Variants in USP53 observed in about 807,000 individuals in gnomAD.
USP53 encodes the protein ubiquitin carboxyl-terminal hydrolase 53.
USP53 carries 71 observed loss-of-function variants against 94.9 expected under a neutral mutation model. The ratio of observed to expected loss-of-function variants is 0.75; its 90% CI spans 0.62 to 0.91. The LOEUF (loss-of-function observed/expected upper bound fraction) is 0.91. Ranked by LOEUF, USP53 falls within the 40% of genes least tolerant of loss-of-function variation. The pLI, the probability that USP53 is intolerant of heterozygous loss-of-function variation, is 0.00. For synonymous variants in USP53, 375 were observed against 422.7 expected (o/e 0.89, Z 1.39); for missense variants, 1,173 against 1,281.0 (o/e 0.92, Z 1.29).
chr4:119,248,655 T>C lies in USP53; in HGVS notation c.238-93T>C, dbSNP rs141546992. On this transcript the variant is annotated intron_variant, in intron 6 of 18. Transcript: ENST00000692078. ...AAAGACTTCTGTATTATTTTCCAAG[T>C]ATAGTGTTTTGAGTTTCTCTGTGTT... is the stretch of plus-strand genomic sequence containing the variant. 5.5e-4 allele frequency: 785 copies of C among 1,436,484 alleles called. 3 individuals carry two copies. In the African/African-American group the frequency reaches 0.01, roughly 18 times the overall value. 89.0% of individuals were successfully genotyped at this position (1,436,484 alleles called of 1,614,324 possible).
intron 17 of USP53, among the ~76,000 whole-genome samples, chr4:119,290,827 G>T (rs191295956): frequency 6.6e-6 from 1 of 152,106 alleles, no homozygotes; most frequent in Middle Eastern, 3.4e-3. Context: ...CAAATGCAGG[G>T]TTTTTTTCAC....
At chr4:119,277,939 T>C (rs1752876225) in intron 17 of USP53, among the ~76,000 whole-genome samples, 1 of 133,300 alleles carries the variant, frequency 7.5e-6, no homozygotes, top group Non-Finnish European at 1.6e-5. Flanking sequence ...CTTTTTTTGT[T>C]TTCCATTGGC....
intron 9 of USP53, among the ~76,000 whole-genome samples, chr4:119,257,317 T>C (rs1034846236): frequency 6.6e-6 from 1 of 152,146 alleles, no homozygotes; most frequent in Non-Finnish European, 1.5e-5. Context: ...GGCGGGCACC[T>C]GTAATCCCAG....
In USP53 at chr4:119,287,799, AT is replaced by A. The variant is rs534733119; in HGVS notation, c.2252-3363del. Among the ~76,000 whole-genome samples, 23 of 152,220 alleles carry A rather than the reference AT, an allele frequency of 1.5e-4. No individual in the cohort carries two copies. The East Asian group carries it at 4.4e-3, about 29-fold the overall frequency. Reference sequence around the variant, plus strand: ...AGTGGCCTAGTTTCATCAGAAGGAGATTTAGTATAATGTCTTTGTATGTTAA... The same window carrying A: ...AGTGGCCTAGTTTCATCAGAAGGAGATTAGTATAATGTCTTTGTATGTTAA... On this transcript the variant is annotated intron_variant, in intron 17 of 18. Coordinates refer to ENST00000692078, the MANE Select transcript of USP53 (RefSeq NM_001371395.1).
chr4:119,254,082 A>G (rs10213342), intron 7 of USP53, among the ~76,000 whole-genome samples: 43,900 of 152,076 alleles, frequency 0.29, 6,501 homozygotes, highest in East Asian at 0.38. Context: ...TCTGCAGAGA[A>G]ATCCACCGTT....
chr4:119,257,984 A>T (rs757108562), intron 9 of USP53, among the ~76,000 whole-genome samples: 7 of 152,218 alleles, frequency 4.6e-5, no homozygotes, highest in Non-Finnish European at 8.8e-5. Context: ...AAACACTGCA[A>T]GTTGCAGGAG....
In USP53 at chr4:119,259,242, T is replaced by C. The variant is rs554417049; in HGVS notation, c.570-578T>C. Among the ~76,000 whole-genome samples the C allele has an allele frequency of 1.6e-4, 24 of 146,382 alleles. 1 individual carries two copies. The South Asian group carries it at 5.0e-3, about 31-fold the overall frequency. On this transcript the variant is annotated intron_variant, in intron 9 of 18. Transcript: ENST00000692078. The stretch of plus-strand genomic sequence containing the variant: ...GTTGCGGTGAGCCAAGATTGCACCA[T>C]TGCACTCCAGCCTGGGCGATAGAGT...
chr4:119,227,829 C>T (rs567465753), intron 3 of USP53, among the ~76,000 whole-genome samples: 132 of 152,192 alleles, frequency 8.7e-4, no homozygotes, highest in Non-Finnish European at 1.4e-3. Flanking sequence ...AAAATGGAAA[C>T]AACTGCAATT....
At position 119,260,649 on chromosome 4, in the gene USP53, C is replaced by T; in HGVS notation, c.818C>T (p.Pro273Leu). Residue 273 changes from proline to leucine, a missense_variant, in exon 11 of 19, where the codon CCT (proline) becomes CTT (leucine). Transcript: ENST00000692078. ...AATCTAGCAACACATCTTTATCTTC[C>T]TGGGGTATCTTATCTATTTTCATTC... ...VRNLATHLYL[P>L]GLFYRVTDEN... 1 of 1,612,482 alleles carries T rather than the reference C, an allele frequency of 6.2e-7. No homozygotes were observed. Among genetic ancestry groups the T allele is most frequent in the East Asian group, 2.2e-5 (1 of 44,844 alleles).
chr4:119,217,871 A>G (rs1447874079), intron 3 of USP53, 198 bp downstream of exon 3: 1 of 152,260 alleles, frequency 6.6e-6, no homozygotes, highest in Non-Finnish European at 1.5e-5. Flanking sequence ...AAGTTTGTAT[A>G]GTGTGCAGGA....
intron 7 of USP53, among the ~76,000 whole-genome samples, chr4:119,254,145 T>G (rs1024558560): frequency 6.6e-6 from 1 of 152,226 alleles, no homozygotes; most frequent in African/African-American, 2.4e-5. Flanking sequence ...CTGGCTGCCC[T>G]TAACATTTTT....
At chr4:119,263,800 G>A (rs1321954416) in intron 12 of USP53, among the ~76,000 whole-genome samples, 5 of 152,050 alleles carry the variant, frequency 3.3e-5, no homozygotes, top group Admixed American at 6.6e-5. Flanking sequence ...GGCTGGTCAC[G>A]GGGGCTCATG....
chr4:119,289,906 T>C (rs28419773), intron 17 of USP53, among the ~76,000 whole-genome samples: 42,569 of 151,986 alleles, frequency 0.28, 6,131 homozygotes, highest in East Asian at 0.38. Context: ...ATTTTTAGTT[T>C]TCAGGGTTTT....
intron 5 of USP53, among the ~76,000 whole-genome samples, chr4:119,240,639 T>C (rs1353065988): frequency 6.6e-6 from 1 of 152,178 alleles, no homozygotes; most frequent in Non-Finnish European, 1.5e-5. Flanking sequence ...GATTCACTTT[T>C]CATATGCATT....
chr4:119,272,326 A>G, intron 16 of USP53: 1 of 228,686 alleles, frequency 4.4e-6, no homozygotes, highest in South Asian at 9.4e-5. Flanking sequence ...GTTTATTATC[A>G]TTGTTGTGTC....
At chr4:119,283,623 T>C (rs1317940276) in intron 17 of USP53, among the ~76,000 whole-genome samples, 1 of 151,780 alleles carries the variant, frequency 6.6e-6, no homozygotes, top group African/African-American at 2.4e-5. Context: ...GGCAGGATAA[T>C]TAGTTAGCTT....
In USP53 at chr4:119,292,597, G is replaced by C. The variant is rs775112934; in HGVS notation, c.2608G>C (p.Val870Leu). 1 of 1,614,098 alleles carries C rather than the reference G, an allele frequency of 6.2e-7. No homozygotes were observed. Among genetic ancestry groups the C allele is most frequent in the Admixed American group, 1.7e-5 (1 of 60,012 alleles). ...SSLWSSHLRT[V>L]GLKPETAPLI... ...ATTATGGTCTTCACACCTAAGAACT[G>C]TTGGGTTAAAGCCAGAAACTGCTCC... The change falls in exon 19 of 19, where the codon GTT becomes CTT. Residue 870 changes from valine (V) to leucine (L), a missense_variant. Physicochemically the swap from Val to Leu is conservative, Grantham distance 32. Transcript: ENST00000692078.
In USP53 at chr4:119,287,908, A is replaced by G. The variant is rs534629700; in HGVS notation, c.2252-3257A>G. ...TGCTCCTACTTACCAGATATATAGA[A>G]TATAGATTAGGTCACTTAACTTCAC... On this transcript the variant is annotated intron_variant, in intron 17 of 18. Coordinates refer to ENST00000692078, the MANE Select transcript of USP53 (RefSeq NM_001371395.1). Among the ~76,000 whole-genome samples, 129 of 152,334 alleles carry G rather than the reference A, an allele frequency of 8.5e-4. 1 individual carries two copies. Among genetic ancestry groups the G allele is most frequent in the African/African-American group, 3.1e-3 (127 of 41,580 alleles).
chr4:119,259,583 A>G (rs531262221), intron 9 of USP53, among the ~76,000 whole-genome samples: 66 of 152,200 alleles, frequency 4.3e-4, no homozygotes, highest in Non-Finnish European at 7.9e-4. Flanking sequence ...CTAGTTCCAA[A>G]CATATAATTT....
Sources: gnomAD v4.1 joint callset for allele counts (sites outside exome capture counted in the v4.1 genomes callset) on GRCh38, gnomAD v4.1.1 for gene constraint, MANE v1.5 for transcripts, NCBI Gene and HGNC (gene_info 2026-07-23, HGNC 2026-07-21) for gene names.